EYS: variants seen among roughly 807,000 people sequenced by gnomAD.
The protein encoded by EYS is EGF-like photoreceptor maintenance factor.
Under a neutral mutation model 282.1 loss-of-function variants are expected in EYS, and 250 were observed. That is an observed-to-expected ratio of 0.89 (90% CI 0.80 to 0.98). The LOEUF is 0.98. Ranked by LOEUF, EYS falls within the 50% of genes least tolerant of loss-of-function variation. The pLI, the probability that EYS is intolerant of heterozygous loss-of-function variation, is 0.00. For synonymous variants in EYS, 1,355 were observed against 1,282.9 expected, an observed-to-expected ratio of 1.06 and a Z score of -1.20; for missense variants, 4,016 against 3,709.0, an observed-to-expected ratio of 1.08 and a Z score of -2.15.
intron 28 of EYS, among the ~76,000 whole-genome samples, chr6:64,398,994 T>G (rs1425395146): frequency 6.6e-6 from 1 of 151,858 alleles, no homozygotes; most frequent in Non-Finnish European, 1.5e-5. Context: ...CAGGAAGCTA[T>G]TCATTAAATG....
chr6:65,211,429 T>C (rs563342839), intron 12 of EYS, among the ~76,000 whole-genome samples: 1 of 152,136 alleles, frequency 6.6e-6, no homozygotes, highest in Admixed American at 6.6e-5. Flanking sequence ...ATTGGCATAC[T>C]GTTAGAAAAA....
chr6:64,348,175 T>C (rs894633937), intron 29 of EYS, among the ~76,000 whole-genome samples: 1 of 151,474 alleles, frequency 6.6e-6, no homozygotes, highest in Admixed American at 6.6e-5. Context: ...CTAATAACTA[T>C]TGAGCACTAT....
rs766771468 is a variant in EYS, at chr6:65,005,696, T to C, written c.2138-7993A>G. The stretch of plus-strand genomic sequence containing the variant: ...TTTCTAACAACCCCCGACCCTTCTA[T>C]TGGGGATGTTGATCTGCCTGGAGCC... On this transcript the variant is annotated intron_variant, in intron 13 of 42. Transcript: ENST00000503581. Among the ~76,000 whole-genome samples, 9 of 147,510 alleles carry C rather than the reference T, an allele frequency of 6.1e-5. 1 individual carries two copies. Among genetic ancestry groups the C allele is most frequent in the South Asian group, 2.2e-4 (1 of 4,576 alleles).
chr6:64,551,229 C>T (rs1424503313), intron 26 of EYS, among the ~76,000 whole-genome samples: 1 of 148,264 alleles, frequency 6.7e-6, no homozygotes, highest in Non-Finnish European at 1.5e-5. Flanking sequence ...TATATATATG[C>T]AGTAACTTCC....
At chr6:64,596,761 A>C (rs1219531647) in intron 24 of EYS, among the ~76,000 whole-genome samples, 1 of 152,234 alleles carries the variant, frequency 6.6e-6, no homozygotes, top group Non-Finnish European at 1.5e-5. Context: ...AACTACTAGA[A>C]GAAAACAGAG....
chr6:64,008,027 T>A (rs965514765), intron 33 of EYS, among the ~76,000 whole-genome samples: 1 of 152,170 alleles, frequency 6.6e-6, no homozygotes, highest in African/African-American at 2.4e-5. Context: ...GTCCTGAATA[T>A]CTTTGTCAGT....
chr6:63,959,199 C>T (rs1274107593), intron 35 of EYS, among the ~76,000 whole-genome samples: 2 of 151,952 alleles, frequency 1.3e-5, no homozygotes, highest in Non-Finnish European at 2.9e-5. Flanking sequence ...AAAAAGTGGG[C>T]AAAGGATATG....
At position 65,604,152 on chromosome 6, in the gene EYS, A is replaced by G. The variant is rs149186206; in HGVS notation, c.-333+35626T>C. Among the ~76,000 whole-genome samples the G allele has an allele frequency of 6.6e-4, 100 of 152,042 alleles. 1 individual carries two copies. The highest frequency in any genetic ancestry group is 3.4e-3 in the Middle Eastern group (1 of 294). ...TCTCTTACATAGTTTGGTTGGAATT[A>G]GCTCTGTTTTGATTAATACTCATGA... is the stretch of plus-strand genomic sequence containing the variant. On this transcript the variant is annotated intron_variant, in intron 2 of 42. Transcript: ENST00000503581.
intron 2 of EYS, among the ~76,000 whole-genome samples, chr6:65,618,186 C>T (rs1314545956): frequency 4.6e-5 from 7 of 152,130 alleles, no homozygotes; most frequent in Non-Finnish European, 7.4e-5. Context: ...AAAAGTGTTC[C>T]TATTTCTCCA....
intron 15 of EYS, among the ~76,000 whole-genome samples, chr6:64,925,817 A>ATAG (rs1768498172): frequency 2.0e-5 from 3 of 152,106 alleles, no homozygotes; most frequent in Admixed American, 2.0e-4. Flanking sequence ...CAGAGGCAGC[A>ATAG]TAGCTGGGAA....
intron 29 of EYS, among the ~76,000 whole-genome samples, chr6:64,382,969 A>G (rs374450601): frequency 9.2e-5 from 14 of 152,234 alleles, no homozygotes; most frequent in African/African-American, 2.4e-4. Context: ...AGTCCAATCC[A>G]TGGTGTATTG....
At chr6:63,761,049 T>A (rs1769627274) in intron 41 of EYS, among the ~76,000 whole-genome samples, 1 of 116,556 alleles carries the variant, frequency 8.6e-6, no homozygotes, top group Non-Finnish European at 1.8e-5. Context: ...TTTAACCGAT[T>A]TTTTTTTTTT....
At chr6:63,730,560 C>T (rs1291955714) in intron 41 of EYS, among the ~76,000 whole-genome samples, 2 of 152,174 alleles carry the variant, frequency 1.3e-5, no homozygotes. Context: ...TGGAGATGTT[C>T]AATGAACAAT....
Position 64,816,504 on chromosome 6 carries a change from C to A in EYS, c.3244-2927G>T, listed in dbSNP as rs889893922. Among the ~76,000 whole-genome samples the A allele has an allele frequency of 2.8e-4, 43 of 152,124 alleles. 2 individuals are homozygous for A. Among genetic ancestry groups the A allele is most frequent in the African/African-American group, 1.0e-3 (43 of 41,528 alleles). The stretch of plus-strand genomic sequence containing the variant: ...CCCCCACTTGTTTTGCTCTTCTGAT[C>A]TAGGTTTGGGCTCACTTTTGCATGA... On this transcript the variant is annotated intron_variant, in intron 21 of 42. Coordinates refer to ENST00000503581, the MANE Select transcript of EYS (RefSeq NM_001142800.2).
chr6:65,375,542 A>C (rs1765330945), intron 8 of EYS, among the ~76,000 whole-genome samples: 1 of 152,108 alleles, frequency 6.6e-6, no homozygotes, highest in African/African-American at 2.4e-5. Context: ...AATGAGTTTG[A>C]TGAACTGACA....
In EYS at chr6:65,477,794, T is replaced by C. The variant is rs574122522; in HGVS notation, c.862+12800A>G. Among the ~76,000 whole-genome samples, 39 of 152,304 alleles carry C rather than the reference T, an allele frequency of 2.6e-4. No homozygotes were observed. The South Asian group carries it at 7.7e-3, about 30-fold the overall frequency. On this transcript the variant is annotated intron_variant, in intron 5 of 42. Transcript: ENST00000503581. ...TACATTTCATTTTTAAGAAATGATA[T>C]ATTTTTCAATCTTTTTTCTGTGTGT...
At chr6:64,033,846 C>CTCTCTA (rs1486924860) in intron 33 of EYS, among the ~76,000 whole-genome samples, 1 of 140,280 alleles carries the variant, frequency 7.1e-6, no homozygotes, top group East Asian at 2.0e-4. Context: ...CTCTCTCTCT[C>CTCTCTA]TATATATATA....
chr6:64,336,081 A>G (rs573523650), intron 29 of EYS, among the ~76,000 whole-genome samples: 1 of 152,216 alleles, frequency 6.6e-6, no homozygotes, highest in African/African-American at 2.4e-5. Context: ...AAACAGAAAA[A>G]AAATAGGTAC....
At chr6:65,084,661 A>G (rs961133124) in intron 12 of EYS, among the ~76,000 whole-genome samples, 1 of 152,140 alleles carries the variant, frequency 6.6e-6, no homozygotes, top group Non-Finnish European at 1.5e-5. Context: ...TCAGGTTTTT[A>G]CTTCCCTACA....
Sources: allele counts gnomAD v4.1 joint callset (sites outside exome capture counted in the v4.1 genomes callset), GRCh38; gene constraint gnomAD v4.1.1; transcripts MANE v1.5; gene names NCBI Gene and HGNC (gene_info 2026-07-23, HGNC 2026-07-21).